Variants in ECSCR observed in about 807,000 individuals in gnomAD.
The protein encoded by ECSCR is endothelial cell surface expressed chemotaxis and apoptosis regulator.
Under a neutral mutation model 16.7 loss-of-function variants are expected in ECSCR, and 12 were observed. That is an observed-to-expected ratio of 0.72 (90% CI 0.46 to 1.17). ECSCR has a LOEUF of 1.17. Ranked by LOEUF, ECSCR falls within the 50% of genes most tolerant of loss-of-function variation. The pLI, the probability that ECSCR is intolerant of heterozygous loss-of-function variation, is 0.00. For missense variants in ECSCR, 122 were observed against 116.1 expected (o/e 1.05, Z -0.23); for synonymous variants, 44 against 42.2 (o/e 1.04, Z -0.17).
chr5:139,462,167 A>G (rs1751320166), intron 1 of ECSCR, among the ~76,000 whole-genome samples: 1 of 152,188 alleles, frequency 6.6e-6, no homozygotes, highest in Non-Finnish European at 1.5e-5. Context: ...GCTACTCCTC[A>G]TGTGAAAGGA....
intron 8 of ECSCR, among the ~76,000 whole-genome samples, chr5:139,454,329 T>C (rs1751109996): frequency 6.9e-6 from 1 of 145,166 alleles, no homozygotes; most frequent in Non-Finnish European, 1.5e-5. Context: ...GGGGGTTGTG[T>C]GTGATGTGTG....
At chr5:139,459,292 C>T (rs559576465) in intron 1 of ECSCR, among the ~76,000 whole-genome samples, 3 of 152,020 alleles carry the variant, frequency 2.0e-5, no homozygotes, top group Non-Finnish European at 4.4e-5. Context: ...TGTATCTTGC[C>T]TAGAGGTAGG....
chr5:139,454,234 G>T (rs1751108091), intron 8 of ECSCR, among the ~76,000 whole-genome samples: 1 of 146,428 alleles, frequency 6.8e-6, no homozygotes, highest in Non-Finnish European at 1.5e-5. Context: ...TGTGTGTGTG[G>T]GGGTCGTGTG....
chr5:139,451,527 G>T (rs1483400686), intron 8 of ECSCR, among the ~76,000 whole-genome samples: 1 of 146,000 alleles, frequency 6.8e-6, no homozygotes, highest in Admixed American at 6.8e-5. Flanking sequence ...ATAGTATGAA[G>T]TGTGTGGTGT....
chr5:139,455,531 GA>G, intron 5 of ECSCR, 95 bp from the exon 6 acceptor site: 1 of 390,964 alleles, frequency 2.6e-6, no homozygotes, highest in Non-Finnish European at 4.5e-6. Flanking sequence ...GGAAGGACCA[GA>G]ATTTATGCTG....
intron 8 of ECSCR, among the ~76,000 whole-genome samples, 198 bp downstream of exon 8, chr5:139,454,404 G>A (rs1751112475): frequency 7.0e-6 from 1 of 141,974 alleles, no homozygotes; most frequent in South Asian, 2.3e-4. Flanking sequence ...GTGTGTGGTG[G>A]GTTTGAGGTG....
At chr5:139,449,292 G>T in intron 8 of ECSCR, 118 bp from the exon 9 acceptor site, 1 of 721,834 alleles carries the variant, frequency 1.4e-6, no homozygotes, top group Non-Finnish European at 2.3e-6. Context: ...TATTTTGGTG[G>T]TGGATCATGA....
At chr5:139,458,845 C>CAA (rs1264082615) in intron 1 of ECSCR, among the ~76,000 whole-genome samples, 15 of 89,056 alleles carry the variant, frequency 1.7e-4, no homozygotes, top group South Asian at 7.3e-4. Context: ...GACTCTGTCT[C>CAA]AAAAAAAAAA....
chr5:139,460,319 A>G (rs1320650852), intron 1 of ECSCR, among the ~76,000 whole-genome samples: 1 of 152,038 alleles, frequency 6.6e-6, no homozygotes, highest in Non-Finnish European at 1.5e-5. Flanking sequence ...TATGTTTAGT[A>G]GAGATGGGGT....
intron 4 of ECSCR, 55 bp downstream of exon 4, chr5:139,457,489 TG>T: frequency 1.3e-6 from 1 of 780,440 alleles, no homozygotes; most frequent in Non-Finnish European, 2.4e-6. Context: ...CAGAAACTGT[TG>T]GGGTCCTCAC....
chr5:139,449,227 G>A, intron 8 of ECSCR, 53 bp from the exon 9 acceptor site: 2 of 1,322,604 alleles, frequency 1.5e-6, no homozygotes, highest in Non-Finnish European at 1.1e-6. Context: ...AGGGCAATGG[G>A]GAGTCAAGGA....
At chr5:139,450,043 T>C (rs1438853681) in intron 8 of ECSCR, among the ~76,000 whole-genome samples, 1 of 152,092 alleles carries the variant, frequency 6.6e-6, no homozygotes, top group Non-Finnish European at 1.5e-5. Context: ...TATAGGCACC[T>C]GCCACCGTGC....
intron 2 of ECSCR, 73 bp downstream of exon 2, chr5:139,458,066 G>T: frequency 2.0e-6 from 3 of 1,467,756 alleles, no homozygotes; most frequent in Non-Finnish European, 2.8e-6. Context: ...GGCTAAATTG[G>T]CATAGAGCTC....
chr5:139,455,814 T>TAA (rs1187505493), intron 5 of ECSCR, among the ~76,000 whole-genome samples: 787 of 49,074 alleles, frequency 0.016, 83 homozygotes, highest in Non-Finnish European at 0.021. Context: ...CCATCTCTCC[T>TAA]AAAAAAAAAA....
Position 139,457,575 on chromosome 5 carries a change from G to A in ECSCR, c.187C>T (p.Pro63Ser). Reference protein sequence around the residue: ...GYIPSSEANRPSHLSSTGTPG... With the variant: ...GYIPSSEANRSSHLSSTGTPG... ...GTACCAGTGCTGGACAGATGGCTTGGCCTGTTAGCCTCTGAGGAAGGGATG... is the reference window on the plus strand; with the variant it reads ...GTACCAGTGCTGGACAGATGGCTTGACCTGTTAGCCTCTGAGGAAGGGATG... Residue 63 changes from proline to serine, a missense_variant, in exon 4 of 10, where the codon CCA becomes TCA. Transcript: ENST00000618155. 3.7e-6 allele frequency: 3 copies of A among 805,010 alleles called. No homozygotes were observed. Among genetic ancestry groups the A allele is most frequent in the Non-Finnish European group, 6.8e-6 (3 of 440,198 alleles). 49.9% of individuals were successfully genotyped at this position (805,010 alleles called of 1,614,324 possible).
intron 5 of ECSCR, 58 bp from the exon 6 acceptor site, chr5:139,455,494 G>A: frequency 2.5e-6 from 1 of 396,466 alleles, no homozygotes; most frequent in Non-Finnish European, 4.5e-6. Flanking sequence ...GGAAGCTAGA[G>A]CTAGCTTCCC....
chr5:139,449,089 A>T lies in ECSCR; in HGVS notation c.598T>A (p.Ser200Thr), dbSNP rs1416932079. The T allele has an allele frequency of 7.2e-6, 11 of 1,537,130 alleles. No individual in the cohort carries two copies. The South Asian group carries it at 1.3e-4, about 18-fold the overall frequency. The change falls in exon 9 of 10, where the codon TCA becomes ACA. Residue 200 changes from serine to threonine, a missense_variant. By Grantham distance (58) the Ser-to-Thr change is moderately conservative. Transcript: ENST00000618155. Reference sequence around the variant, plus strand: ...ACAGAAAAATGTACCTTCTCTGCTGAGAGACTTTGTTTGCCATTATTCATG... The same window carrying T: ...ACAGAAAAATGTACCTTCTCTGCTGTGAGACTTTGTTTGCCATTATTCATG... ...INMNNGKQSL[S>T]AEKVL
chr5:139,457,477 A>C, intron 4 of ECSCR, 68 bp downstream of exon 4: 2 of 779,776 alleles, frequency 2.6e-6, no homozygotes, highest in South Asian at 2.7e-5. Context: ...TCTCTTTTAG[A>C]GCAGAAACTG....
chr5:139,461,728 T>C (rs1452144791), intron 1 of ECSCR, among the ~76,000 whole-genome samples: 1 of 152,166 alleles, frequency 6.6e-6, no homozygotes, highest in Non-Finnish European at 1.5e-5. Flanking sequence ...CGGAAGCCAG[T>C]GTTCTGGTAC....
Sources: allele counts gnomAD v4.1 joint callset (sites outside exome capture counted in the v4.1 genomes callset), GRCh38; gene constraint gnomAD v4.1.1; transcripts MANE v1.5; gene names NCBI Gene and HGNC (gene_info 2026-07-23, HGNC 2026-07-21).